AP3B1: variants seen among roughly 807,000 people sequenced by gnomAD.
The protein encoded by AP3B1 is adaptor related protein complex 3 subunit beta 1.
Under a neutral mutation model 132.5 loss-of-function variants are expected in AP3B1, and 61 were observed. The observed-to-expected ratio is 0.46, with a 90% CI of 0.37 to 0.57. The LOEUF is 0.57. Ranked by LOEUF, AP3B1 falls within the 20% of genes least tolerant of loss-of-function variation. AP3B1 has a pLI of 0.00. For synonymous variants in AP3B1, 388 were observed against 438.3 expected (o/e 0.89, Z 1.43); for missense variants, 1,120 against 1,289.4 (o/e 0.87, Z 2.01).
intron 23 of AP3B1, among the ~76,000 whole-genome samples, 157 bp from the exon 24 acceptor site, chr5:78,034,602 A>C (rs897419306): frequency 6.6e-6 from 1 of 152,024 alleles, no homozygotes; most frequent in South Asian, 2.1e-4. Context: ...AGCAAATTAC[A>C]AAGTAACCTA....
At chr5:78,267,632 AT>A (rs1465648840) in intron 1 of AP3B1, 37 bp from the exon 2 acceptor site, 1 of 1,247,266 alleles carries the variant, frequency 8.0e-7, no homozygotes, top group African/African-American at 1.5e-5. Flanking sequence ...CCATACTTTG[AT>A]TTTTATATTA....
At chr5:78,207,484 G>C (rs1260059830) in intron 7 of AP3B1, among the ~76,000 whole-genome samples, 1 of 151,898 alleles carries the variant, frequency 6.6e-6, no homozygotes, top group Non-Finnish European at 1.5e-5. Context: ...GATGGACATG[G>C]TAGACAAAGA....
At chr5:78,033,958 A>G (rs1454573704) in intron 24 of AP3B1, among the ~76,000 whole-genome samples, 2 of 151,946 alleles carry the variant, frequency 1.3e-5, no homozygotes, top group Non-Finnish European at 2.9e-5. Context: ...TCAAGATAAC[A>G]TGTATGTATA....
At position 78,003,056 on chromosome 5, in the gene AP3B1, C is replaced by A; in HGVS notation, c.3132-1G>T. The A allele has an allele frequency of 6.2e-7, 1 of 1,613,962 alleles. No homozygotes were observed. The highest frequency in any genetic ancestry group is 8.5e-7 in the Non-Finnish European group (1 of 1,179,960). On this transcript the variant is annotated splice_acceptor_variant, in intron 26 of 26. Transcript: ENST00000255194. LOFTEE classifies it high-confidence loss of function. ...ACTGTGCACAGTTTTAGCTGCAAAC[C>A]TGGAAGAGAAAAAAGAGAGACCTTT...
intron 3 of AP3B1, among the ~76,000 whole-genome samples, chr5:78,235,545 T>C (rs966657419): frequency 6.6e-6 from 1 of 152,200 alleles, no homozygotes; most frequent in Non-Finnish European, 1.5e-5. Flanking sequence ...AATCAATCAA[T>C]ATTGACCACA....
At chr5:78,003,435 T>G in intron 26 of AP3B1, 1 of 732,584 alleles carries the variant, frequency 1.4e-6, no homozygotes. Context: ...ATTTTTATTT[T>G]TAAAACATGT....
chr5:78,196,975 C>T (rs1050865600), intron 7 of AP3B1, among the ~76,000 whole-genome samples: 4 of 151,960 alleles, frequency 2.6e-5, no homozygotes, highest in Admixed American at 6.6e-5. Context: ...AGACAAAATC[C>T]GAAGAATGTA....
At chr5:78,207,646 C>T (rs34984403) in intron 7 of AP3B1, among the ~76,000 whole-genome samples, 45,235 of 151,866 alleles carry the variant, frequency 0.3, 6,945 homozygotes, top group Middle Eastern at 0.35. Context: ...TATGGAATAA[C>T]TCACGTTGAG....
intron 17 of AP3B1, among the ~76,000 whole-genome samples, chr5:78,118,887 C>A (rs1752001777): frequency 6.6e-6 from 1 of 152,208 alleles, no homozygotes; most frequent in Non-Finnish European, 1.5e-5. Flanking sequence ...TCAAGTGGGT[C>A]CCTGACCCCC....
At chr5:78,084,543 A>AAAAAG (rs1750153986) in intron 22 of AP3B1, among the ~76,000 whole-genome samples, 2 of 147,494 alleles carry the variant, frequency 1.4e-5, no homozygotes, top group African/African-American at 5.0e-5. Flanking sequence ...AAAAAAAAAA[A>AAAAAG]AAAGAAAAGA....
intron 11 of AP3B1, among the ~76,000 whole-genome samples, chr5:78,168,012 T>C (rs562110796): frequency 2.0e-5 from 2 of 102,458 alleles, no homozygotes; most frequent in Non-Finnish European, 4.0e-5. Flanking sequence ...AAAAACCTAC[T>C]GAAAAAAAAA....
rs531297635 is a variant in AP3B1, at chr5:78,254,855, A to C, written c.204+12665T>G. 7.2e-5 allele frequency among the ~76,000 whole-genome samples: 11 copies of C among 152,316 alleles called. No homozygotes were observed. The South Asian group carries it at 2.3e-3, about 32-fold the overall frequency. On this transcript the variant is annotated intron_variant, in intron 2 of 26. Coordinates refer to ENST00000255194, the MANE Select transcript of AP3B1 (RefSeq NM_003664.5). ...TATTCTTATCCTGAGTAGAAAAACTAAATGATGAACCAATCAAAAATGGTA... is the reference window on the plus strand; with the variant it reads ...TATTCTTATCCTGAGTAGAAAAACTCAATGATGAACCAATCAAAAATGGTA...
chr5:78,215,038 A>C (rs530756201), intron 7 of AP3B1, among the ~76,000 whole-genome samples: 6 of 152,236 alleles, frequency 3.9e-5, no homozygotes, highest in Admixed American at 3.3e-4. Context: ...ATAGTGATCA[A>C]CATTTTATAA....
chr5:78,018,670 T>C (rs1183074527), intron 25 of AP3B1, among the ~76,000 whole-genome samples: 1 of 128,508 alleles, frequency 7.8e-6, no homozygotes, highest in African/African-American at 3.3e-5. Context: ...AAAGCTGGTG[T>C]AACACACACA....
chr5:78,168,023 A>AC (rs1457708507), intron 11 of AP3B1, among the ~76,000 whole-genome samples: 9 of 150,558 alleles, frequency 6.0e-5, no homozygotes, highest in South Asian at 2.1e-4. Flanking sequence ...GAAAAAAAAA[A>AC]AAAAACAAAA....
At chr5:78,062,909 T>C (rs1749119662) in intron 22 of AP3B1, among the ~76,000 whole-genome samples, 1 of 152,132 alleles carries the variant, frequency 6.6e-6, no homozygotes, top group South Asian at 2.1e-4. Context: ...CAAATTATGA[T>C]GGGCCCCACT....
chr5:78,129,022 A>T, intron 16 of AP3B1, 99 bp downstream of exon 16: 1 of 1,002,028 alleles, frequency 1.0e-6, no homozygotes, highest in Non-Finnish European at 1.5e-6. Context: ...CGAATCATTT[A>T]TATTTCCTAA....
chr5:78,124,910 C>T (rs1752395900), intron 17 of AP3B1, among the ~76,000 whole-genome samples: 1 of 152,112 alleles, frequency 6.6e-6, no homozygotes, highest in East Asian at 1.9e-4. Context: ...TGCATTTTTT[C>T]TTGACATGGC....
chr5:78,146,938 A>G (rs890861381), intron 14 of AP3B1, among the ~76,000 whole-genome samples: 4 of 152,086 alleles, frequency 2.6e-5, no homozygotes, highest in Admixed American at 2.6e-4. Context: ...GCCTAAATAC[A>G]TTCTTGATTT....
Sources: allele counts gnomAD v4.1 joint callset (sites outside exome capture counted in the v4.1 genomes callset), GRCh38; gene constraint gnomAD v4.1.1; transcripts MANE v1.5; gene names NCBI Gene and HGNC (gene_info 2026-07-23, HGNC 2026-07-21).